NUGGC: variants seen among roughly 807,000 people sequenced by gnomAD.
NUGGC encodes the protein nuclear GTPase SLIP-GC.
In NUGGC, 58 loss-of-function variants were observed where a neutral mutation model predicts 92.6. The observed-to-expected ratio is 0.63, with a 90% CI of 0.51 to 0.78. NUGGC has a LOEUF of 0.78. NUGGC is among the 30% of genes least tolerant of loss of function. The pLI, the probability that NUGGC is intolerant of heterozygous loss-of-function variation, is 0.00. For synonymous variants in NUGGC, 376 were observed against 366.4 expected (o/e 1.03, Z -0.30); for missense variants, 925 against 964.6 (o/e 0.96, Z 0.54).
chr8:28,046,962 C>A (rs1003172412), intron 11 of NUGGC, among the ~76,000 whole-genome samples: 4 of 151,760 alleles, frequency 2.6e-5, no homozygotes, highest in African/African-American at 9.7e-5. Context: ...AACCAACATG[C>A]CTGGCTTTTT....
At chr8:28,025,020 G>T (rs575610839) in intron 18 of NUGGC, among the ~76,000 whole-genome samples, 1 of 151,992 alleles carries the variant, frequency 6.6e-6, no homozygotes, top group Non-Finnish European at 1.5e-5. Context: ...TCTGTGTTTC[G>T]CTTCCCTGCC....
At chr8:28,070,114 T>C (rs1322773031) in intron 3 of NUGGC, 138 bp downstream of exon 3, 13 of 1,441,040 alleles carry the variant, frequency 9.0e-6, no homozygotes, top group Non-Finnish European at 1.2e-5. Flanking sequence ...CTACAGAGAC[T>C]TTGAGCCCTC....
chr8:28,064,680 C>G lies in NUGGC; in HGVS notation c.763G>C (p.Asp255His). 1.2e-6 allele frequency: 2 copies of G among 1,614,048 alleles called. No homozygotes were observed. Among genetic ancestry groups the G allele is most frequent in the Non-Finnish European group, 1.7e-6 (2 of 1,179,902 alleles). The change falls in exon 7 of 19, where the codon GAT becomes CAT. Residue 255 changes from aspartate (D) to histidine (H), a missense_variant. Physicochemically the swap from Asp to His is moderately conservative, Grantham distance 81 (BLOSUM62 -1). Coordinates refer to ENST00000413272, the MANE Select transcript of NUGGC (RefSeq NM_001010906.2). ...ATCTCAGCGGCCTCTCCATCCCAAT[C>G]TCTCCTCTGTGTGCGGATGTAGGGG... ...LDPYIRTQRR[D>H]WDGEAAEMRI...
chr8:28,068,367 C>T lies in NUGGC; in HGVS notation c.329G>A (p.Gly110Glu). Residue 110 changes from glycine to glutamate, a missense_variant, in exon 5 of 19, where the codon GGG becomes GAG. Physicochemically the swap from Gly to Glu is moderately conservative, Grantham distance 98. Coordinates refer to ENST00000413272, the MANE Select transcript of NUGGC (RefSeq NM_001010906.2). ...PIYIALFGST[G>E]AGKSSLINAI... The stretch of plus-strand genomic sequence containing the variant: ...ATTGATCAGGGAGCTCTTCCCAGCC[C>T]CAGTGCTTCCAAATAATGCAATGTA... 6.3e-7 allele frequency: 1 copy of T among 1,580,854 alleles called. No individual in the cohort carries two copies. Among genetic ancestry groups the T allele is most frequent in the Non-Finnish European group, 8.6e-7 (1 of 1,162,712 alleles).
intron 18 of NUGGC, among the ~76,000 whole-genome samples, chr8:28,024,133 G>C (rs953272017): frequency 6.6e-6 from 1 of 150,962 alleles, no homozygotes; most frequent in Non-Finnish European, 1.5e-5. Flanking sequence ...AAGTGCTTCT[G>C]CCTCAGACAC....
At chr8:28,026,452 T>G (rs1809262248) in intron 18 of NUGGC, among the ~76,000 whole-genome samples, 1 of 152,218 alleles carries the variant, frequency 6.6e-6, no homozygotes. Context: ...ATCCCCAGGC[T>G]ATAGGTGGAT....
At chr8:28,035,247 T>C (rs903038750) in intron 13 of NUGGC, among the ~76,000 whole-genome samples, 15 of 152,308 alleles carry the variant, frequency 9.8e-5, no homozygotes, top group Middle Eastern at 3.4e-3. Flanking sequence ...AACAGCTCTA[T>C]CTAAGGTCAC....
chr8:28,040,943 C>T (rs1809680635), intron 13 of NUGGC, 108 bp downstream of exon 13: 8 of 1,138,264 alleles, frequency 7.0e-6, no homozygotes, highest in Non-Finnish European at 8.7e-6. Context: ...CCATGCCCGG[C>T]CCGCTAACTC....
chr8:28,056,773 A>G (rs1464489314), intron 9 of NUGGC, among the ~76,000 whole-genome samples: 6 of 152,252 alleles, frequency 3.9e-5, no homozygotes. Flanking sequence ...GTAAACATCT[A>G]TAGACTACAT....
rs374900497 is a variant in NUGGC at position 28,028,611 on chromosome 8, A to G, written c.2154+655T>C. Among the ~76,000 whole-genome samples the G allele has an allele frequency of 5.9e-5, 9 of 152,224 alleles. No homozygotes were observed. In the East Asian group the frequency reaches 1.4e-3, roughly 23 times the overall value. On this transcript the variant is annotated intron_variant, in intron 17 of 18. Transcript: ENST00000413272. ...AGTGGCATGGACTTCAAGGATCTCTACTACTTGGGGGAAAGGGGGTGGCAA... is the reference window on the plus strand; with the variant it reads ...AGTGGCATGGACTTCAAGGATCTCTGCTACTTGGGGGAAAGGGGGTGGCAA...
intron 18 of NUGGC, 116 bp from the exon 19 acceptor site, chr8:28,023,578 T>A (rs1809174996): frequency 2.0e-6 from 2 of 1,001,932 alleles, no homozygotes; most frequent in Admixed American, 2.5e-5. Context: ...TCTGGAGTGG[T>A]GCTTACAGAT....
Position 28,074,467 on chromosome 8 carries a change from A to G in NUGGC, c.-46-11T>C, listed in dbSNP as rs1442934830. 1.9e-6 allele frequency: 3 copies of G among 1,592,640 alleles called. No individual in the cohort carries two copies. The highest frequency in any genetic ancestry group is 4.5e-5 in the East Asian group (2 of 44,768). ...TTCAGGAGAACCAGCCTGTGAAGACAAAGTACAAAGACAGGTGGGGCAGCG... is the reference window on the plus strand; with the variant it reads ...TTCAGGAGAACCAGCCTGTGAAGACGAAGTACAAAGACAGGTGGGGCAGCG... On this transcript the variant is annotated splice_polypyrimidine_tract_variant and intron_variant, in intron 1 of 18. Coordinates refer to ENST00000413272, the MANE Select transcript of NUGGC (RefSeq NM_001010906.2).
chr8:28,055,066 A>C (rs1470854522), intron 10 of NUGGC, among the ~76,000 whole-genome samples: 2 of 151,916 alleles, frequency 1.3e-5, no homozygotes, highest in Admixed American at 1.3e-4. Context: ...CAGCCTGGTC[A>C]ACATGGTAAA....
At chr8:28,056,179 A>G in intron 9 of NUGGC, 125 bp from the exon 10 acceptor site, 1 of 596,722 alleles carries the variant, frequency 1.7e-6, no homozygotes, top group East Asian at 2.9e-5. Context: ...CATGCACTGT[A>G]TTAGAATTAT....
chr8:28,079,816 A>C (rs1425152669), intron 1 of NUGGC, among the ~76,000 whole-genome samples: 2 of 152,214 alleles, frequency 1.3e-5, no homozygotes, highest in East Asian at 3.8e-4. Flanking sequence ...CATGAGAAGG[A>C]AGGCTGTTGA....
At chr8:28,024,623 T>C (rs971688810) in intron 18 of NUGGC, among the ~76,000 whole-genome samples, 1 of 152,226 alleles carries the variant, frequency 6.6e-6, no homozygotes, top group Non-Finnish European at 1.5e-5. Context: ...CCTGAATGCC[T>C]TTCTAATCCC....
rs760315928 is a variant in NUGGC at position 28,064,687 on chromosome 8, CTG to C, written c.754_755del (p.Gln252GlufsTer10). On this transcript the variant is annotated frameshift_variant, in exon 7 of 19. Transcript: ENST00000413272. LOFTEE classifies it high-confidence loss of function. ...CGGCCTCTCCATCCCAATCTCTCCT[CTG>C]TGTGCGGATGTAGGGGTCCAGCTTG... ...SIKLDPYIRTQRRDWDGEAAE... is the reference protein window; with the variant it reads ...SIKLDPYIRTXRRDWDGEAAE... 6.2e-7 allele frequency: 1 copy of C among 1,614,064 alleles called. No individual in the cohort carries two copies. The highest frequency in any genetic ancestry group is 8.5e-7 in the Non-Finnish European group (1 of 1,179,908).
At chr8:28,067,295 T>C (rs1226434157) in intron 6 of NUGGC, among the ~76,000 whole-genome samples, 1 of 152,246 alleles carries the variant, frequency 6.6e-6, no homozygotes, top group Non-Finnish European at 1.5e-5. Flanking sequence ...AAATAGTCTT[T>C]TTCTGGGCAT....
Position 28,047,485 on chromosome 8 carries a change from A to G in NUGGC, c.1312+22T>C, listed in dbSNP as rs928780872. The stretch of plus-strand genomic sequence containing the variant: ...TTGATCTTGAGAATTTTAGTGATGG[A>G]GATTTAAAAAACATAAATTACCCGT... On this transcript the variant is annotated intron_variant, in intron 11 of 18. Coordinates refer to ENST00000413272, the MANE Select transcript of NUGGC (RefSeq NM_001010906.2). The G allele has an allele frequency of 1.4e-5, 19 of 1,400,588 alleles. No individual in the cohort carries two copies. The African/African-American group carries it at 2.2e-4, about 16-fold the overall frequency. The allele number at this position is 1,400,588 out of a possible 1,614,324, so 86.8% of individuals were successfully genotyped here.
Sources: gnomAD v4.1 joint callset for allele counts (sites outside exome capture counted in the v4.1 genomes callset) on GRCh38, gnomAD v4.1.1 for gene constraint, MANE v1.5 for transcripts, NCBI Gene and HGNC (gene_info 2026-07-23, HGNC 2026-07-21) for gene names.